The following NRXN1 variants were observed in gnomAD, a reference collection of about 807,000 sequenced individuals.
NRXN1 encodes neurexin 1.
In NRXN1, 39 loss-of-function variants were observed where a neutral mutation model predicts 150.9. The ratio of observed to expected loss-of-function variants is 0.26; its 90% CI spans 0.20 to 0.34. The LOEUF (loss-of-function observed/expected upper bound fraction) is 0.34. NRXN1 is among the 10% of genes least tolerant of loss of function. The pLI, the probability that NRXN1 is intolerant of heterozygous loss-of-function variation, is 1.00. For missense variants in NRXN1, 1,815 were observed against 1,949.9 expected, an observed-to-expected ratio of 0.93 and a Z score of 1.30; for synonymous variants, 924 against 757.0, an observed-to-expected ratio of 1.22 and a Z score of -3.62.
At chr2:50,798,326 G>C (rs569423244) in intron 5 of NRXN1, among the ~76,000 whole-genome samples, 104 of 152,196 alleles carry the variant, frequency 6.8e-4, no homozygotes, top group African/African-American at 2.1e-3. Flanking sequence ...ATTAGAAAAA[G>C]CTTCTACCTT....
Position 50,334,192 on chromosome 2 carries a change from A to AATTTTATATATATATATAT in NRXN1, c.3365-97223_3365-97222insATATATATATATATAAAAT, listed in dbSNP as rs57808424. The stretch of plus-strand genomic sequence containing the variant: ...CTGCCTTTCCTTAAGACCAGGACCA[A>AATTTTATATATATATATAT]ATATATATATATATATATATGTATG... On this transcript the variant is annotated intron_variant, in intron 17 of 22. Coordinates refer to ENST00000401669, the MANE Select transcript of NRXN1 (RefSeq NM_001330078.2). Among the ~76,000 whole-genome samples the AATTTTATATATATATATAT allele has an allele frequency of 2.8e-4, 33 of 118,970 alleles. 2 individuals are homozygous for AATTTTATATATATATATAT. The highest frequency in any genetic ancestry group is 7.3e-4 in the African/African-American group (17 of 23,180). 78.0% of individuals were successfully genotyped at this position (118,970 alleles called of 152,430 possible).
At chr2:50,958,019 A>T (rs1692544722) in intron 2 of NRXN1, among the ~76,000 whole-genome samples, 1 of 152,120 alleles carries the variant, frequency 6.6e-6, no homozygotes, top group South Asian at 2.1e-4. Flanking sequence ...GTTGCAGCAC[A>T]TCTTTAAGAA....
chr2:50,304,308 TTAAA>T (rs1243519092), intron 17 of NRXN1, among the ~76,000 whole-genome samples: 1 of 152,184 alleles, frequency 6.6e-6, no homozygotes, highest in Non-Finnish European at 1.5e-5. Context: ...TGCGGTCTTA[TTAAA>T]TAAACTATTA....
intron 18 of NRXN1, among the ~76,000 whole-genome samples, chr2:50,176,844 G>T (rs1041280924): frequency 1.3e-5 from 2 of 152,000 alleles, no homozygotes; most frequent in African/African-American, 4.8e-5. Context: ...CTGTTTCCTA[G>T]AAAGTCCAGA....
intron 17 of NRXN1, among the ~76,000 whole-genome samples, chr2:50,310,668 A>T (rs1276689309): frequency 1.3e-5 from 2 of 152,182 alleles, no homozygotes; most frequent in African/African-American, 2.4e-5. Context: ...CTGTTATTGG[A>T]GAACATTTAG....
At chr2:50,858,332 G>A (rs1675572393) in intron 5 of NRXN1, among the ~76,000 whole-genome samples, 1 of 151,920 alleles carries the variant, frequency 6.6e-6, no homozygotes. Flanking sequence ...TCACTGTTTG[G>A]GCGCAATCAT....
At chr2:50,459,513 T>C (rs992141881) in intron 17 of NRXN1, among the ~76,000 whole-genome samples, 3 of 152,118 alleles carry the variant, frequency 2.0e-5, no homozygotes, top group Admixed American at 2.0e-4. Context: ...TTCTTTGCGT[T>C]CATGAGTTCA....
intron 18 of NRXN1, among the ~76,000 whole-genome samples, chr2:50,096,960 C>A (rs1700310445): frequency 6.6e-6 from 1 of 152,126 alleles, no homozygotes; most frequent in African/African-American, 2.4e-5. Context: ...ATACTTCAAG[C>A]AAGATGTCTG....
intron 21 of NRXN1, among the ~76,000 whole-genome samples, chr2:49,985,066 T>C (rs1653864628): frequency 6.6e-6 from 1 of 152,206 alleles, no homozygotes; most frequent in South Asian, 2.1e-4. Flanking sequence ...CTTTGGCACT[T>C]AGATTGAGCT....
At chr2:50,876,866 T>A (rs1223587110) in intron 5 of NRXN1, among the ~76,000 whole-genome samples, 2 of 151,820 alleles carry the variant, frequency 1.3e-5, no homozygotes, top group Non-Finnish European at 2.9e-5. Flanking sequence ...AGGGGGTACA[T>A]ATGGGAGACA....
At chr2:51,020,021 G>C (rs956671295) in intron 2 of NRXN1, among the ~76,000 whole-genome samples, 1 of 150,726 alleles carries the variant, frequency 6.6e-6, no homozygotes, top group East Asian at 1.9e-4. Flanking sequence ...CAGTGCATTG[G>C]TATTCACTGA....
At chr2:50,762,787 T>G (rs906981858) in intron 5 of NRXN1, among the ~76,000 whole-genome samples, 1 of 152,022 alleles carries the variant, frequency 6.6e-6, no homozygotes, top group African/African-American at 2.4e-5. Flanking sequence ...TTGTGAATAC[T>G]GCTGTGATAA....
chr2:50,402,582 A>G (rs1010384478), intron 17 of NRXN1, among the ~76,000 whole-genome samples: 4 of 152,126 alleles, frequency 2.6e-5, no homozygotes, highest in African/African-American at 9.7e-5. Context: ...GCTTTCGGAG[A>G]GCAAGTCAAA....
At chr2:50,468,895 AAAT>A (rs1236212186) in intron 16 of NRXN1, among the ~76,000 whole-genome samples, 2 of 151,668 alleles carry the variant, frequency 1.3e-5, no homozygotes, top group African/African-American at 4.8e-5. Flanking sequence ...ATTAAACAGA[AAAT>A]TATTCCTGTA....
At chr2:50,041,209 T>C (rs1168990816) in intron 21 of NRXN1, among the ~76,000 whole-genome samples, 3 of 152,196 alleles carry the variant, frequency 2.0e-5, no homozygotes, top group Non-Finnish European at 4.4e-5. Context: ...AGTCTTTGCA[T>C]CCAATTAGTG....
chr2:50,765,646 A>T (rs1161264042), intron 5 of NRXN1, among the ~76,000 whole-genome samples: 3 of 152,072 alleles, frequency 2.0e-5, no homozygotes, highest in Middle Eastern at 3.2e-3. Context: ...ATGCCGCAAC[A>T]TAGTCAATTT....
chr2:50,610,655 A>ATATATATATATATATT (rs1677917039), intron 8 of NRXN1, among the ~76,000 whole-genome samples: 2 of 108,842 alleles, frequency 1.8e-5, no homozygotes, highest in East Asian at 8.0e-4. Context: ...ATATATATAT[A>ATATATATATATATATT]TATATATATA....
At chr2:50,224,693 AAG>A (rs201700032) in intron 18 of NRXN1, among the ~76,000 whole-genome samples, 11,924 of 130,048 alleles carry the variant, frequency 0.092, 519 homozygotes, top group Middle Eastern at 0.11. Context: ...GAGAGGGAGA[AAG>A]AGAGAGAGAG....
chr2:50,621,440 A>T (rs974664185), intron 6 of NRXN1, among the ~76,000 whole-genome samples, 191 bp from the exon 7 acceptor site: 1 of 152,110 alleles, frequency 6.6e-6, no homozygotes, highest in Non-Finnish European at 1.5e-5. Context: ...GGGCAAAAAA[A>T]TTTTACAAGA....
Sources: allele counts gnomAD v4.1 joint callset (sites outside exome capture counted in the v4.1 genomes callset), GRCh38; gene constraint gnomAD v4.1.1; transcripts MANE v1.5; gene names NCBI Gene and HGNC (gene_info 2026-07-23, HGNC 2026-07-21).